The following VAC14 variants were observed in gnomAD, a reference collection of about 807,000 sequenced individuals.
The protein encoded by VAC14 is VAC14 component of PIKFYVE complex.
VAC14 carries 47 observed loss-of-function variants against 85.3 expected under a neutral mutation model. That is an observed-to-expected ratio of 0.55 (90% confidence interval 0.44 to 0.70). The LOEUF is 0.70. Ranked by LOEUF, VAC14 falls within the 30% of genes least tolerant of loss-of-function variation. VAC14 has a pLI of 0.00. For missense variants in VAC14, 861 were observed against 1,004.3 expected (o/e 0.86, Z 1.93); for synonymous variants, 447 against 430.5 (o/e 1.04, Z -0.47).
At chr16:70,704,804 T>G (rs2053891844) in intron 14 of VAC14, among the ~76,000 whole-genome samples, 1 of 152,174 alleles carries the variant, frequency 6.6e-6, no homozygotes, top group African/African-American at 2.4e-5. Context: ...GTGCTGCAGG[T>G]GAGGCCCAGG....
intron 7 of VAC14, among the ~76,000 whole-genome samples, chr16:70,782,679 G>A (rs1436911405): frequency 6.6e-6 from 1 of 152,248 alleles, no homozygotes; most frequent in Non-Finnish European, 1.5e-5. Context: ...ACGTTTTGTG[G>A]TGGTTTGATA....
chr16:70,708,671 C>T (rs184309256), intron 14 of VAC14, among the ~76,000 whole-genome samples: 15 of 152,312 alleles, frequency 9.8e-5, no homozygotes, highest in Admixed American at 9.2e-4. Context: ...TGGGGACAGG[C>T]GTGTAACCCT....
At position 70,801,000 on chromosome 16, in the gene VAC14, C is replaced by G. The variant is rs1054772064; in HGVS notation, c.-100G>C. 2.7e-6 allele frequency: 2 copies of G among 754,142 alleles called. No homozygotes were observed. The highest frequency in any genetic ancestry group is 3.7e-5 in the African/African-American group (2 of 53,368). The allele number at this position is 754,142 out of a possible 1,614,324, so 46.7% of individuals were successfully genotyped here. ...GGCTCCGCTCTGCCCCCGGCGCCGG[C>G]GCATGGACCACGCCGCTCTAGGCTT... On this transcript the variant is annotated 5_prime_UTR_variant, in exon 1 of 19. Transcript: ENST00000261776.
rs34328513 is a variant in VAC14 at position 70,776,760 on chromosome 16, A to AT, written c.1096+4029dup. Among the ~76,000 whole-genome samples the AT allele has an allele frequency of 1.8e-3, 260 of 142,816 alleles. 1 individual carries two copies. Among genetic ancestry groups the AT allele is most frequent in the East Asian group, 5.3e-3 (26 of 4,906 alleles). The allele number at this position is 142,816 out of a possible 152,430, so 93.7% of individuals were successfully genotyped here. ...TTTAATTTAAATATGGTTTGTTTCA[A>AT]TTTTTTTTTTTTTTAATAATTTTTG... On this transcript the variant is annotated intron_variant, in intron 9 of 18. Transcript: ENST00000261776.
intron 13 of VAC14, among the ~76,000 whole-genome samples, chr16:70,734,141 T>C (rs1303454911): frequency 1.3e-5 from 2 of 152,016 alleles, no homozygotes; most frequent in African/African-American, 2.4e-5. Context: ...TTTATAGTAA[T>C]GCAAGAACAG....
chr16:70,688,166 C>A, intron 18 of VAC14, 76 bp from the exon 19 acceptor site: 1 of 1,391,996 alleles, frequency 7.2e-7, no homozygotes, highest in South Asian at 1.8e-5. Context: ...GCAGTGGGGT[C>A]AGAGGCAGAG....
chr16:70,699,067 T>C (rs549439883), intron 14 of VAC14, among the ~76,000 whole-genome samples: 1 of 152,098 alleles, frequency 6.6e-6, no homozygotes, highest in Admixed American at 6.5e-5. Context: ...GCTATATTAA[T>C]CTCCCGGCAC....
chr16:70,781,166 C>A (rs2033793708), intron 8 of VAC14, among the ~76,000 whole-genome samples: 1 of 152,128 alleles, frequency 6.6e-6, no homozygotes, highest in Admixed American at 6.5e-5. Flanking sequence ...TTCAAAAAGC[C>A]TCCCACCTCT....
At chr16:70,691,380 C>A (rs1198062786) in intron 18 of VAC14, 12 of 985,350 alleles carry the variant, frequency 1.2e-5, no homozygotes, top group East Asian at 1.1e-4. Flanking sequence ...CTCCTGGGTG[C>A]CTGCCAGGTT....
intron 1 of VAC14, among the ~76,000 whole-genome samples, chr16:70,790,661 G>A (rs1204803455): frequency 6.6e-6 from 1 of 152,104 alleles, no homozygotes; most frequent in African/African-American, 2.4e-5. Flanking sequence ...TGTGCTGGGC[G>A]TTCCCTCCCC....
intron 1 of VAC14, among the ~76,000 whole-genome samples, chr16:70,789,988 C>A (rs985539851): frequency 2.0e-5 from 3 of 152,210 alleles, no homozygotes; most frequent in Admixed American, 6.5e-5. Context: ...TGTTTCAGGT[C>A]ACAAACATTC....
At chr16:70,704,477 A>G (rs2053885153) in intron 14 of VAC14, among the ~76,000 whole-genome samples, 1 of 152,030 alleles carries the variant, frequency 6.6e-6, no homozygotes, top group South Asian at 2.1e-4. Flanking sequence ...TGGGGGCTTT[A>G]CCCCCCAACA....
intron 12 of VAC14, among the ~76,000 whole-genome samples, chr16:70,755,810 C>T (rs1567571650): frequency 6.6e-6 from 1 of 152,204 alleles, no homozygotes; most frequent in Non-Finnish European, 1.5e-5. Flanking sequence ...GTGGAAGCCC[C>T]CATTTTGGGG....
chr16:70,759,278 G>A lies in VAC14; in HGVS notation c.1371+3262C>T, dbSNP rs572126657. Reference sequence around the variant, plus strand: ...CCCAAATATACAAAGAGCTGCTACAGATCAATAAGAAAAGTGGACGAAGGA... The same window carrying A: ...CCCAAATATACAAAGAGCTGCTACAAATCAATAAGAAAAGTGGACGAAGGA... On this transcript the variant is annotated intron_variant, in intron 12 of 18. Coordinates refer to ENST00000261776, the MANE Select transcript of VAC14 (RefSeq NM_018052.5). 5.3e-5 allele frequency among the ~76,000 whole-genome samples: 8 copies of A among 152,338 alleles called. No homozygotes were observed. The East Asian group carries it at 1.2e-3, about 22-fold the overall frequency.
chr16:70,712,079 C>T (rs2054046826), intron 14 of VAC14, among the ~76,000 whole-genome samples: 2 of 152,092 alleles, frequency 1.3e-5, no homozygotes, highest in Non-Finnish European at 2.9e-5. Context: ...TACCCTCCCC[C>T]ACCCCCTCCC....
In VAC14 at chr16:70,800,871, G is replaced by A. The variant is rs377452486; in HGVS notation, c.30C>T (p.Leu10=). The change falls in exon 1 of 19, where the codon CTC becomes CTT. Residue 10 remains leucine, a synonymous_variant. Coordinates refer to ENST00000261776, the MANE Select transcript of VAC14 (RefSeq NM_018052.5). ...TGAGGGCGCGCACGATGTTAGGCGT[G>A]AGCGGCGCGAAATCCTTCTCGGGGT... is the stretch of plus-strand genomic sequence containing the variant. MNPEKDFAP[L]TPNIVRALND... 3.7e-6 allele frequency: 6 copies of A among 1,604,188 alleles called. No individual in the cohort carries two copies. Among genetic ancestry groups the A allele is most frequent in the East Asian group, 2.3e-5 (1 of 43,540 alleles).
At chr16:70,783,347 T>C in intron 6 of VAC14, 98 bp downstream of exon 6, 1 of 1,264,234 alleles carries the variant, frequency 7.9e-7, no homozygotes, top group Non-Finnish European at 1.1e-6. Flanking sequence ...AGAGGTGATT[T>C]CCTGCCCTCC....
chr16:70,690,870 T>G (rs2053583553), intron 18 of VAC14: 2 of 985,422 alleles, frequency 2.0e-6, no homozygotes, highest in Non-Finnish European at 2.4e-6. Context: ...AAAGTAAGGC[T>G]GGGGGTCCAG....
chr16:70,693,513 C>G (rs2053641994), intron 17 of VAC14, among the ~76,000 whole-genome samples: 1 of 152,246 alleles, frequency 6.6e-6, no homozygotes, highest in African/African-American at 2.4e-5. Flanking sequence ...CACACCAAAG[C>G]CCCGGAGCGT....
Sources: allele counts gnomAD v4.1 joint callset (sites outside exome capture counted in the v4.1 genomes callset), GRCh38; gene constraint gnomAD v4.1.1; transcripts MANE v1.5; gene names NCBI Gene and HGNC (gene_info 2026-07-23, HGNC 2026-07-21).